The following DHX38 variants were observed in gnomAD, a reference collection of about 807,000 sequenced individuals.
The protein encoded by DHX38 is DEAH-box helicase 38.
Under a neutral mutation model 153.1 loss-of-function variants are expected in DHX38, and 100 were observed. The ratio of observed to expected loss-of-function variants is 0.65; its 90% CI spans 0.56 to 0.77. The LOEUF (loss-of-function observed/expected upper bound fraction) is 0.77. Ranked by LOEUF, DHX38 falls within the 30% of genes least tolerant of loss-of-function variation. The pLI is 0.00. For missense variants in DHX38, 1,440 were observed against 1,654.0 expected (o/e 0.87, Z 2.24); for synonymous variants, 650 against 631.7 (o/e 1.03, Z -0.43).
chr16:72,109,042 T>G (rs1417084744), intron 24 of DHX38, 117 bp downstream of exon 24: 29 of 1,424,958 alleles, frequency 2.0e-5, no homozygotes, highest in Non-Finnish European at 2.7e-5. Flanking sequence ...CCACATGCAT[T>G]GTTTTGCGGG....
chr16:72,094,388 C>G (rs933920149), intron 1 of DHX38: 2 of 152,276 alleles, frequency 1.3e-5, no homozygotes, highest in African/African-American at 4.8e-5. Context: ...TTCCTCTGCT[C>G]TCTCACAGTG....
At chr16:72,094,275 T>G (rs893800210) in intron 1 of DHX38, 4 of 152,784 alleles carry the variant, frequency 2.6e-5, no homozygotes, top group African/African-American at 9.6e-5. Context: ...GCGGCCTCGC[T>G]GAGATCCAGG....
chr16:72,096,341 C>T lies in DHX38; in HGVS notation c.184C>T (p.Arg62Ter), dbSNP rs1385706449. The T allele has an allele frequency of 5.6e-6, 9 of 1,613,978 alleles. No individual in the cohort carries two copies. The highest frequency in any genetic ancestry group is 2.7e-5 in the African/African-American group (2 of 74,894). The change falls in exon 2 of 27, where the codon CGA becomes TGA. Residue 62 changes from arginine to a stop codon, truncating the protein, a stop_gained. Coordinates refer to ENST00000268482, the MANE Select transcript of DHX38 (RefSeq NM_014003.4). LOFTEE classifies it high-confidence loss of function. ...GCTGGCTTCCCTGAAACGGAGAGAG[C>T]GAGAGGAGAAGGACGATGGGGAGGA... is the stretch of plus-strand genomic sequence containing the variant. ...DLLASLKRRE[R>*]EEKDDGEDKK...
At chr16:72,108,956 C>T in intron 24 of DHX38, 31 bp downstream of exon 24, 1 of 1,564,352 alleles carries the variant, frequency 6.4e-7, no homozygotes, top group African/African-American at 1.4e-5. Flanking sequence ...TTGCATAATG[C>T]AGGCCCCCTG....
Position 72,108,622 on chromosome 16 carries a change from C to G in DHX38, c.3255+15C>G. ...CCAAGCTCAAGGTGAACCCAGGAGC[C>G]CAGTGAGCCCCTCCCAGCCTGATAC... On this transcript the variant is annotated intron_variant, in intron 23 of 26. Coordinates refer to ENST00000268482, the MANE Select transcript of DHX38 (RefSeq NM_014003.4). 6.2e-7 allele frequency: 1 copy of G among 1,611,620 alleles called. No homozygotes were observed. Among genetic ancestry groups the G allele is most frequent in the Non-Finnish European group, 8.5e-7 (1 of 1,178,514 alleles).
rs774114256 is a variant in DHX38 at position 72,097,757 on chromosome 16, G to A, written c.592G>A (p.Glu198Lys). The change falls in exon 4 of 27, where the codon GAG (glutamate) becomes AAG (lysine). Residue 198 changes from glutamate to lysine, a missense_variant. Around this residue, in one of 6 missense-constraint regions of DHX38, gnomAD observed 483 missense variants for 465.1 expected, o/e 1.04. Coordinates refer to ENST00000268482, the MANE Select transcript of DHX38 (RefSeq NM_014003.4). ...SERSSRRNEPESPRHRPKDAA... is the reference protein window; with the variant it reads ...SERSSRRNEPKSPRHRPKDAA... ...GCGTAGCAGCAGAAGAAATGAACCC[G>A]AGAGCCCACGACATCGACCTAAAGG... 23 of 1,613,794 alleles carry A rather than the reference G, an allele frequency of 1.4e-5. No individual in the cohort carries two copies. The highest frequency in any genetic ancestry group is 4.5e-5 in the East Asian group (2 of 44,896).
chr16:72,108,267 C>G lies in DHX38; in HGVS notation c.3005C>G (p.Ala1002Gly). The G allele has an allele frequency of 6.2e-7, 1 of 1,614,078 alleles. No homozygotes were observed. Among genetic ancestry groups the G allele is most frequent in the Non-Finnish European group, 8.5e-7 (1 of 1,180,016 alleles). The change falls in exon 22 of 27, where the codon GCT (alanine) becomes GGT (glycine). Residue 1002 changes from alanine to glycine, a missense_variant. Coordinates refer to ENST00000268482, the MANE Select transcript of DHX38 (RefSeq NM_014003.4). ...AGTGATCAAATCCGGGAGAAGTTCG[C>G]TGTTCCTGAGAGCGATCATTTGACC... ...EESDQIREKFAVPESDHLTYL... is the reference protein window; with the variant it reads ...EESDQIREKFGVPESDHLTYL...
intron 8 of DHX38, 33 bp from the exon 9 acceptor site, chr16:72,100,403 A>T (rs1285609088): frequency 6.2e-7 from 1 of 1,608,254 alleles, no homozygotes; most frequent in Admixed American, 1.7e-5. Flanking sequence ...TTGGGGTGGC[A>T]ATTTGAGTGT....
intron 8 of DHX38, 43 bp from the exon 9 acceptor site, chr16:72,100,393 T>C (rs1458599344): frequency 2.5e-6 from 4 of 1,601,698 alleles, no homozygotes; most frequent in African/African-American, 2.7e-5. Flanking sequence ...AGGACGACCT[T>C]TGGGGTGGCA....
Position 72,096,250 on chromosome 16 carries a change from T to C in DHX38, c.93T>C (p.Ser31=). The C allele has an allele frequency of 6.2e-7, 1 of 1,614,184 alleles. No individual in the cohort carries two copies. The highest frequency in any genetic ancestry group is 1.1e-5 in the South Asian group (1 of 91,080). The change falls in exon 2 of 27, where the codon AGT becomes AGC. Residue 31 remains serine (S), a synonymous_variant. Transcript: ENST00000268482. ...GTGGTCTTATTTGCAAGTCCAAAAG[T>C]GCGGCCAGCGAGCAGCATGTCTTCA... is the stretch of plus-strand genomic sequence containing the variant. The part of the protein sequence containing the change: ...QVGGLICKSK[S]AASEQHVFKA...
At chr16:72,101,808 C>G (rs9941346) in intron 11 of DHX38, among the ~76,000 whole-genome samples, 196 bp downstream of exon 11, 75,531 of 151,928 alleles carry the variant, frequency 0.5, 20,676 homozygotes, top group African/African-American at 0.74. Flanking sequence ...TGTGATTCCT[C>G]CTCCCTCACA....
At chr16:72,103,262 G>C (rs759537695) in intron 12 of DHX38, 51 bp downstream of exon 12, 41 of 1,590,506 alleles carry the variant, frequency 2.6e-5, no homozygotes, top group Non-Finnish European at 7.7e-6. Context: ...GGGTGCCCTT[G>C]GTCTCCCATG....
chr16:72,101,515 T>C lies in DHX38; in HGVS notation c.1402T>C (p.Trp468Arg), dbSNP rs556929220. Residue 468 changes from tryptophan to arginine, a missense_variant, in exon 11 of 27, where the codon TGG becomes CGG. Trp to Arg is a moderately radical substitution (Grantham distance 101). Transcript: ENST00000268482. ...TCCTTTTCAGGCTCAGCACAAACACTGGGAACTGGCGGGGACCAAACTGGG... is the reference window on the plus strand; with the variant it reads ...TCCTTTTCAGGCTCAGCACAAACACCGGGAACTGGCGGGGACCAAACTGGG... ...KERKKAQHKH[W>R]ELAGTKLGDI... 6.4e-7 allele frequency: 1 copy of C among 1,551,934 alleles called. No homozygotes were observed. Among genetic ancestry groups the C allele is most frequent in the Non-Finnish European group, 8.7e-7 (1 of 1,147,162 alleles).
chr16:72,096,612 A>C (rs2042022511), intron 2 of DHX38, 132 bp downstream of exon 2: 1 of 1,475,076 alleles, frequency 6.8e-7, no homozygotes, highest in Non-Finnish European at 8.9e-7. Context: ...TGTAATACTG[A>C]AGGTAGGTAG....
At chr16:72,110,846 C>T (rs1295333563) in intron 25 of DHX38, 110 bp from the exon 26 acceptor site, 1 of 1,422,316 alleles carries the variant, frequency 7.0e-7, no homozygotes, top group Admixed American at 2.6e-5. Flanking sequence ...ATGTGGAGCA[C>T]TGGCCTGGTG....
In DHX38 at chr16:72,112,789, T is replaced by C; in HGVS notation, c.*292T>C. On this transcript the variant is annotated 3_prime_UTR_variant, in exon 27 of 27. Coordinates refer to ENST00000268482, the MANE Select transcript of DHX38 (RefSeq NM_014003.4). ...AAACTGGCCCAGGACACTTGGTGTA[T>C]GCGTGACTTGGCTGTGGCTGTCTTT... is the stretch of plus-strand genomic sequence containing the variant. 1.4e-6 allele frequency: 1 copy of C among 702,762 alleles called. No homozygotes were observed. The highest frequency in any genetic ancestry group is 1.5e-5 in the South Asian group (1 of 67,604). 43.5% of individuals were successfully genotyped at this position (702,762 alleles called of 1,614,324 possible).
At chr16:72,105,735 AAGT>A in intron 18 of DHX38, 111 bp downstream of exon 18, 1 of 1,085,718 alleles carries the variant, frequency 9.2e-7, no homozygotes, top group Non-Finnish European at 1.4e-6. Context: ...GAGCGCGTGG[AAGT>A]GGTGGTGGTG....
chr16:72,094,921 T>C (rs898593279), intron 1 of DHX38, among the ~76,000 whole-genome samples: 1 of 152,258 alleles, frequency 6.6e-6, no homozygotes, highest in African/African-American at 2.4e-5. Context: ...TTTACCTTCT[T>C]GTGTGGATTT....
At chr16:72,109,855 A>AT (rs1037055904) in intron 25 of DHX38, 702 of 162,582 alleles carry the variant, frequency 4.3e-3, no homozygotes, top group Middle Eastern at 0.01. Context: ...ACACACATCC[A>AT]TTTTTTTTTT....
Sources: allele counts gnomAD v4.1 joint callset (sites outside exome capture counted in the v4.1 genomes callset), GRCh38; gene constraint gnomAD v4.1.1; regional missense constraint gnomAD v4.1.1; transcripts MANE v1.5; gene names NCBI Gene and HGNC (gene_info 2026-07-23, HGNC 2026-07-21).